Variants in SH3BGRL observed in about 807,000 individuals in gnomAD.
The protein encoded by SH3BGRL is adapter SH3BGRL.
In SH3BGRL, 7 loss-of-function variants were observed where a neutral mutation model predicts 9.8. That is an observed-to-expected ratio of 0.72 (90% CI 0.41 to 1.35). The LOEUF is 1.35. Among genes scored for constraint, SH3BGRL ranks in the 40% most tolerant of loss-of-function variants. The pLI is 0.01. For synonymous variants in SH3BGRL, 36 were observed against 29.1 expected (o/e 1.24, Z -0.76); for missense variants, 73 against 84.4 (o/e 0.86, Z 0.53).
At chrX:81,235,185 G>A (rs1249334230) in intron 1 of SH3BGRL, among the ~76,000 whole-genome samples, 1 of 110,758 alleles carries the variant, frequency 9.0e-6, no homozygotes, top group African/African-American at 3.3e-5. Context: ...TAAAGGTAAA[G>A]CTAACAAAAT....
intron 1 of SH3BGRL, among the ~76,000 whole-genome samples, chrX:81,272,999 A>G (rs2075786124): frequency 8.9e-6 from 1 of 112,259 alleles, no homozygotes; most frequent in African/African-American, 3.2e-5. Context: ...ATTATATGTA[A>G]TAATTCAGTA....
chrX:81,225,414 C>A (rs2075613835), intron 1 of SH3BGRL, among the ~76,000 whole-genome samples: 1 of 110,960 alleles, frequency 9.0e-6, no homozygotes, highest in African/African-American at 3.3e-5. Context: ...CCCTTCCACC[C>A]TCTCACCTTT....
chrX:81,279,035 C>T (rs1201326246), intron 3 of SH3BGRL, among the ~76,000 whole-genome samples: 1 of 112,262 alleles, frequency 8.9e-6, no homozygotes. Context: ...AGTAGTTCTT[C>T]ACACAAACTG....
chrX:81,205,967 G>A (rs1006983734), intron 1 of SH3BGRL, among the ~76,000 whole-genome samples: 6 of 111,025 alleles, frequency 5.4e-5, no homozygotes, highest in East Asian at 2.8e-4. Context: ...TTAGTGATGC[G>A]GAACATTTTT....
At chrX:81,264,515 C>A (rs1347849315) in intron 1 of SH3BGRL, among the ~76,000 whole-genome samples, 1 of 111,779 alleles carries the variant, frequency 8.9e-6, no homozygotes, top group Admixed American at 9.5e-5. Flanking sequence ...GTGCATATCT[C>A]GCTGCTAACA....
chrX:81,268,360 G>A (rs1354703172), intron 1 of SH3BGRL, among the ~76,000 whole-genome samples: 1 of 111,779 alleles, frequency 8.9e-6, no homozygotes, highest in Non-Finnish European at 1.9e-5. Context: ...GGCATTTAAT[G>A]CTATAAATTT....
intron 1 of SH3BGRL, among the ~76,000 whole-genome samples, chrX:81,241,914 C>T (rs986714524): frequency 8.9e-6 from 1 of 112,475 alleles, no homozygotes; most frequent in African/African-American, 3.2e-5. Context: ...TGCCCGACAG[C>T]AGAAGCCAGC....
intron 1 of SH3BGRL, among the ~76,000 whole-genome samples, chrX:81,246,717 T>C (rs1469262147): frequency 9.0e-6 from 1 of 111,432 alleles, no homozygotes; most frequent in African/African-American, 3.3e-5. Flanking sequence ...TGTAGCCTTA[T>C]AGTGCAGTTT....
intron 1 of SH3BGRL, among the ~76,000 whole-genome samples, chrX:81,207,420 A>G (rs942708991): frequency 6.2e-5 from 7 of 112,580 alleles, no homozygotes; most frequent in African/African-American, 2.3e-4. Flanking sequence ...AACAACAGAT[A>G]AAACAATGTT....
At chrX:81,207,984 C>T (rs1452709910) in intron 1 of SH3BGRL, among the ~76,000 whole-genome samples, 2 of 111,708 alleles carry the variant, frequency 1.8e-5, no homozygotes, top group African/African-American at 3.2e-5. Context: ...GGGCCGGGCA[C>T]GGTGGCTCAC....
At chrX:81,203,986 C>T (rs781081231) in intron 1 of SH3BGRL, among the ~76,000 whole-genome samples, 8 of 110,782 alleles carry the variant, frequency 7.2e-5, no homozygotes, top group Non-Finnish European at 1.5e-4. Context: ...TTGAACCTCT[C>T]ACCCTGGTAG....
At chrX:81,232,001 G>A (rs1347444992) in intron 1 of SH3BGRL, among the ~76,000 whole-genome samples, 3 of 109,262 alleles carry the variant, frequency 2.7e-5, no homozygotes, top group African/African-American at 1.0e-4. Context: ...TGTTTGTACA[G>A]GTGTGTGTGT....
At chrX:81,274,156 G>T (rs1329026466) in intron 1 of SH3BGRL, among the ~76,000 whole-genome samples, 1 of 111,694 alleles carries the variant, frequency 9.0e-6, no homozygotes, top group Non-Finnish European at 1.9e-5. Context: ...GAACCCTTGT[G>T]ACACCTATTC....
At chrX:81,224,603 A>G (rs1460059632) in intron 1 of SH3BGRL, among the ~76,000 whole-genome samples, 1 of 111,685 alleles carries the variant, frequency 9.0e-6, no homozygotes, top group East Asian at 2.8e-4. Flanking sequence ...TGGAGGCAAT[A>G]CTAAGAGTAA....
chrX:81,218,612 C>T (rs2075588860), intron 1 of SH3BGRL, among the ~76,000 whole-genome samples: 1 of 105,707 alleles, frequency 9.5e-6, no homozygotes, highest in African/African-American at 3.4e-5. Context: ...GCTGAGAAGT[C>T]TGCTGTTAAT....
intron 1 of SH3BGRL, among the ~76,000 whole-genome samples, chrX:81,276,644 A>G (rs948166786): frequency 1.8e-5 from 2 of 111,503 alleles, no homozygotes; most frequent in Non-Finnish European, 3.8e-5. Flanking sequence ...AGAGGCTTGT[A>G]GAGTATCAGA....
At chrX:81,295,739 C>T (rs1308381850) in intron 3 of SH3BGRL, among the ~76,000 whole-genome samples, 1 of 111,609 alleles carries the variant, frequency 9.0e-6, no homozygotes, top group African/African-American at 3.3e-5. Flanking sequence ...ACCATTACTC[C>T]AGTTTCAAAT....
At position 81,293,741 on chromosome X, in the gene SH3BGRL, G is replaced by A. The variant is rs186003236; in HGVS notation, c.313-3454G>A. The stretch of plus-strand genomic sequence containing the variant: ...AACAGGCAGAGGTTGGAACAGTTTG[G>A]AGGGCTCAGAAGAAGACAGGAAAAT... On this transcript the variant is annotated intron_variant, in intron 3 of 3. Coordinates refer to ENST00000373212, the MANE Select transcript of SH3BGRL (RefSeq NM_003022.3). Among the ~76,000 whole-genome samples, 59 of 112,083 alleles carry A rather than the reference G, an allele frequency of 5.3e-4. 1 individual carries two copies. Among genetic ancestry groups the A allele is most frequent in the Non-Finnish European group, 9.4e-4 (50 of 53,200 alleles).
intron 3 of SH3BGRL, among the ~76,000 whole-genome samples, chrX:81,283,211 T>G (rs767651952): frequency 3.6e-5 from 4 of 111,765 alleles, no homozygotes; most frequent in Middle Eastern, 9.3e-3. Flanking sequence ...AGGATTAGCC[T>G]GATTCACAGC....
Sources: gnomAD v4.1 joint callset for allele counts (sites outside exome capture counted in the v4.1 genomes callset) on GRCh38, gnomAD v4.1.1 for gene constraint, MANE v1.5 for transcripts, NCBI Gene and HGNC (gene_info 2026-07-23, HGNC 2026-07-21) for gene names.